The following TEX35 variants were observed in gnomAD, a reference collection of about 807,000 sequenced individuals.
TEX35 encodes testis-expressed protein 35.
A neutral mutation model predicts 31.9 loss-of-function variants in TEX35; 26 were observed. The observed-to-expected ratio is 0.81, with a 90% CI of 0.60 to 1.13. The LOEUF is 1.13. Ranked by LOEUF, TEX35 falls within the 50% of genes most tolerant of loss-of-function variation. The pLI is 0.00. For missense variants in TEX35, 278 were observed against 273.5 expected (o/e 1.02, Z -0.12); for synonymous variants, 87 against 90.7 (o/e 0.96, Z 0.23).
chr1:178,521,627 C>T (rs1240604842), intron 8 of TEX35: 1 of 1,552,206 alleles, frequency 6.4e-7, no homozygotes, highest in Non-Finnish European at 8.7e-7. Flanking sequence ...TCTGATTTAT[C>T]TGTACCTCAA....
chr1:178,520,620 T>A, intron 6 of TEX35, 53 bp from the exon 7 acceptor site: 3 of 1,598,466 alleles, frequency 1.9e-6, no homozygotes, highest in Non-Finnish European at 2.6e-6. Flanking sequence ...CTCCTTGTCA[T>A]GCTGCAAAAT....
chr1:178,522,520 GA>G lies in TEX35; in HGVS notation c.*81del. 1.5e-6 allele frequency: 2 copies of G among 1,375,102 alleles called. No individual in the cohort carries two copies. Among genetic ancestry groups the G allele is most frequent in the Non-Finnish European group, 1.9e-6 (2 of 1,050,008 alleles). 85.2% of individuals were successfully genotyped at this position (1,375,102 alleles called of 1,614,324 possible). On this transcript the variant is annotated 3_prime_UTR_variant, in exon 9 of 9. Transcript: ENST00000319416. Reference sequence around the variant, plus strand: ...TCAGAAACTGTCCTGCCCTGGGTGTGATTCTTTGGCTTCAATTTGAAGGACG... The same window carrying G: ...TCAGAAACTGTCCTGCCCTGGGTGTGTTCTTTGGCTTCAATTTGAAGGACG...
chr1:178,521,106 G>A, intron 7 of TEX35, 116 bp from the exon 8 acceptor site: 2 of 1,594,990 alleles, frequency 1.3e-6, no homozygotes, highest in African/African-American at 1.3e-5. Flanking sequence ...CTACCCGCCA[G>A]CTCCACCCTC....
At chr1:178,514,631 C>A in intron 2 of TEX35, 69 bp from the exon 3 acceptor site, 1 of 1,477,244 alleles carries the variant, frequency 6.8e-7, no homozygotes, top group South Asian at 1.2e-5. Flanking sequence ...AGGGGGATCT[C>A]TTCTGCCTCT....
chr1:178,518,316 T>TA (rs1459483299), intron 5 of TEX35, among the ~76,000 whole-genome samples: 3 of 152,048 alleles, frequency 2.0e-5, no homozygotes, highest in Non-Finnish European at 2.9e-5. Context: ...ACAATAGATA[T>TA]AAAAAAATCA....
At chr1:178,514,898 T>C (rs908434258) in intron 3 of TEX35, 130 bp downstream of exon 3, 2 of 754,882 alleles carry the variant, frequency 2.6e-6, no homozygotes, top group African/African-American at 3.5e-5. Context: ...ATTATCAAAA[T>C]CCAGAAGTTA....
At chr1:178,514,455 G>A (rs560670833) in intron 2 of TEX35, among the ~76,000 whole-genome samples, 2 of 152,318 alleles carry the variant, frequency 1.3e-5, no homozygotes, top group East Asian at 1.9e-4. Flanking sequence ...GCCCAAGGTG[G>A]GAATGAGCCT....
intron 6 of TEX35, 104 bp downstream of exon 6, chr1:178,520,540 G>C (rs780991596): frequency 2.4e-5 from 38 of 1,605,308 alleles, no homozygotes; most frequent in Non-Finnish European, 3.2e-5. Context: ...TCTTGGAGGA[G>C]TTGTCTTTGC....
Position 178,514,689 on chromosome 1 carries a change from T to A in TEX35, c.91-11T>A. The A allele has an allele frequency of 6.2e-7, 1 of 1,613,498 alleles. No homozygotes were observed. Among genetic ancestry groups the A allele is most frequent in the Non-Finnish European group, 8.5e-7 (1 of 1,179,598 alleles). The stretch of plus-strand genomic sequence containing the variant: ...ATTCCCAAAGGTCTGTGTTCCTGTT[T>A]CAATCCACAGACATTTGATTACAAA... On this transcript the variant is annotated splice_polypyrimidine_tract_variant and intron_variant, in intron 2 of 8. Transcript: ENST00000319416.
intron 5 of TEX35, 149 bp downstream of exon 5, chr1:178,516,823 T>C: frequency 1.7e-6 from 1 of 574,438 alleles, no homozygotes; most frequent in Non-Finnish European, 3.0e-6. Context: ...AATAATTAAT[T>C]CGTTGTTTGC....
In TEX35 at chr1:178,520,680, A is replaced by C. The variant is rs1000271538; in HGVS notation, c.349A>C (p.Arg117=). ...CTGGCCCTCCTCCCCCAGTCCCCTT[A>C]GAAGAGCACCAAAGGAGCAGCAGGA... ...NTQKNYKLPL[R]RAPKEQQELR... The change falls in exon 7 of 9, where the codon AGA becomes CGA. Residue 117 remains arginine, a synonymous_variant. Transcript: ENST00000319416. The C allele has an allele frequency of 6.2e-7, 1 of 1,613,524 alleles. No individual in the cohort carries two copies. The highest frequency in any genetic ancestry group is 1.3e-5 in the African/African-American group (1 of 74,784).
At chr1:178,515,099 CATTT>C (rs1650027686) in intron 3 of TEX35, among the ~76,000 whole-genome samples, 1 of 152,072 alleles carries the variant, frequency 6.6e-6, no homozygotes, top group African/African-American at 2.4e-5. Context: ...GGTACACTGA[CATTT>C]ATTTATTTTT....
At chr1:178,520,303 A>G in intron 5 of TEX35, 69 bp from the exon 6 acceptor site, 7 of 1,483,298 alleles carry the variant, frequency 4.7e-6, no homozygotes, top group Non-Finnish European at 6.5e-6. Context: ...TGGTTTGCAG[A>G]GAGGCAGGAG....
At chr1:178,520,190 G>A (rs925217838) in intron 5 of TEX35, among the ~76,000 whole-genome samples, 182 bp from the exon 6 acceptor site, 5 of 152,114 alleles carry the variant, frequency 3.3e-5, no homozygotes, top group Non-Finnish European at 4.4e-5. Flanking sequence ...CGTCTCATTG[G>A]GGAAGGGGGA....
intron 6 of TEX35, 114 bp downstream of exon 6, chr1:178,520,550 C>A: frequency 6.2e-7 from 1 of 1,601,000 alleles, no homozygotes; most frequent in Non-Finnish European, 8.5e-7. Context: ...GTTGTCTTTG[C>A]TCCTACTGCC....
At position 178,521,017 on chromosome 1, in the gene TEX35, C is replaced by T. The variant is rs916528217; in HGVS notation, c.543+143C>T. 5.2e-6 allele frequency: 8 copies of T among 1,536,878 alleles called. No individual in the cohort carries two copies. In the African/African-American group the frequency reaches 9.6e-5, roughly 18 times the overall value. On this transcript the variant is annotated intron_variant, in intron 7 of 8. Transcript: ENST00000319416. ...CTTCTGGGTGCCGCCCGAGCCTGCG[C>T]CCTCCCTGACCTGCCTTGCCTTCTA...
At chr1:178,522,660 G>A, downstream of TEX35, 1 of 975,572 alleles carries the variant, frequency 1.0e-6, no homozygotes, top group South Asian at 3.3e-5. Context: ...CTTTTTTTTT[G>A]GAATTTTATT....
Position 178,520,767 on chromosome 1 carries a change from GC to G in TEX35, c.438del (p.Ser147ValfsTer43), listed in dbSNP as rs1233508496. 1.2e-6 allele frequency: 2 copies of G among 1,614,136 alleles called. No individual in the cohort carries two copies. The highest frequency in any genetic ancestry group is 1.7e-6 in the Non-Finnish European group (2 of 1,180,030). On this transcript the variant is annotated frameshift_variant, in exon 7 of 9. Coordinates refer to ENST00000319416, the MANE Select transcript of TEX35 (RefSeq NM_032126.5). LOFTEE classifies it high-confidence loss of function. Reference sequence around the variant, plus strand: ...GCTCAGGCCCAAGAAAATGGATGGAGCCAGTGGAGTCAATGGAGCACCCTGT... The same window carrying G: ...GCTCAGGCCCAAGAAAATGGATGGAGCAGTGGAGTCAATGGAGCACCCTGT... Reference protein sequence around the residue: ...PQLRPKKMDGASGVNGAPCAL... With the variant: ...PQLRPKKMDGXSGVNGAPCAL...
chr1:178,521,861 G>T, intron 8 of TEX35: 3 of 1,485,886 alleles, frequency 2.0e-6, no homozygotes, highest in South Asian at 1.4e-5. Flanking sequence ...GTGTGTGGAG[G>T]TTGATTATTT....
Sources: gnomAD v4.1 joint callset for allele counts (sites outside exome capture counted in the v4.1 genomes callset) on GRCh38, gnomAD v4.1.1 for gene constraint, MANE v1.5 for transcripts, NCBI Gene and HGNC (gene_info 2026-07-23, HGNC 2026-07-21) for gene names.